KCNU1: variants seen among roughly 807,000 people sequenced by gnomAD.
The protein encoded by KCNU1 is potassium channel subfamily U member 1.
Under a neutral mutation model 126.8 loss-of-function variants are expected in KCNU1, and 93 were observed. That is an observed-to-expected ratio of 0.73 (90% CI 0.62 to 0.87). KCNU1 has a LOEUF of 0.87. Ranked by LOEUF, KCNU1 falls within the 40% of genes least tolerant of loss-of-function variation. The pLI, the probability that KCNU1 is intolerant of heterozygous loss-of-function variation, is 0.00. For synonymous variants in KCNU1, 523 were observed against 494.2 expected (o/e 1.06, Z -0.77); for missense variants, 1,330 against 1,367.1 (o/e 0.97, Z 0.43).
At chr8:36,826,296 GCCTC>G (rs1370729344) in intron 10 of KCNU1, among the ~76,000 whole-genome samples, 21 of 151,836 alleles carry the variant, frequency 1.4e-4, no homozygotes, top group Admixed American at 1.4e-3. Flanking sequence ...TGCAACCTCT[GCCTC>G]CCGGGTTCAA....
In KCNU1 at chr8:36,795,007, T is replaced by C. The variant is rs1307316817; in HGVS notation, c.315+7582T>C. 2.6e-5 allele frequency among the ~76,000 whole-genome samples: 4 copies of C among 152,080 alleles called. No homozygotes were observed. The South Asian group carries it at 6.2e-4, about 24-fold the overall frequency. ...CCAAGCTGAAGAAAGAGAAGCCTAGTTGGGCTCTAAATTTCTTGGGAGGAA... is the reference window on the plus strand; with the variant it reads ...CCAAGCTGAAGAAAGAGAAGCCTAGCTGGGCTCTAAATTTCTTGGGAGGAA... On this transcript the variant is annotated intron_variant, in intron 2 of 26. Coordinates refer to ENST00000399881, the MANE Select transcript of KCNU1 (RefSeq NM_001031836.3).
At chr8:36,860,008 C>A (rs1805671400) in intron 18 of KCNU1, among the ~76,000 whole-genome samples, 1 of 151,918 alleles carries the variant, frequency 6.6e-6, no homozygotes, top group South Asian at 2.1e-4. Flanking sequence ...TTTTTTTGAT[C>A]AATGAAATAC....
Position 36,840,547 on chromosome 8 carries a change from G to A in KCNU1, c.1603G>A (p.Ala535Thr), listed in dbSNP as rs778142154. 6.2e-7 allele frequency: 1 copy of A among 1,610,654 alleles called. No individual in the cohort carries two copies. ...GACCCAACGTCTCTCTGATGACTTT[G>A]CTGGAATGAGCTTTCCTGAAGTTGC... ...ILTQRLSDDF[A>T]GMSFPEVARL... Residue 535 changes from alanine to threonine, a missense_variant, in exon 15 of 27, where the codon GCT becomes ACT. By Grantham distance (58) the Ala-to-Thr change is moderately conservative. This residue lies in a region of KCNU1 where 1,054 missense variants were observed against 1,053.9 expected (regional missense o/e 1.00). Coordinates refer to ENST00000399881, the MANE Select transcript of KCNU1 (RefSeq NM_001031836.3).
At chr8:36,888,262 C>A (rs1195047313) in intron 19 of KCNU1, among the ~76,000 whole-genome samples, 1 of 152,026 alleles carries the variant, frequency 6.6e-6, no homozygotes, top group Non-Finnish European at 1.5e-5. Flanking sequence ...AGGTAGAAAT[C>A]CTAAGAAATA....
chr8:36,847,846 C>CAT (rs1452535354), intron 18 of KCNU1, among the ~76,000 whole-genome samples: 1 of 152,180 alleles, frequency 6.6e-6, no homozygotes, highest in Non-Finnish European at 1.5e-5. Flanking sequence ...ATTGCTGGAT[C>CAT]ATATGGTAGA....
At chr8:36,930,881 A>C in intron 24 of KCNU1, 70 bp from the exon 25 acceptor site, 3 of 1,099,318 alleles carry the variant, frequency 2.7e-6, no homozygotes, top group Non-Finnish European at 2.6e-6. Context: ...TAAATCTCCA[A>C]GCCTTTACCC....
At chr8:36,854,113 C>T (rs1023997432) in intron 18 of KCNU1, among the ~76,000 whole-genome samples, 5 of 152,134 alleles carry the variant, frequency 3.3e-5, no homozygotes, top group South Asian at 2.1e-4. Context: ...CCTTTCTACA[C>T]GATGAGTCAC....
chr8:36,823,545 T>C, intron 10 of KCNU1, among the ~76,000 whole-genome samples: 1 of 152,124 alleles, frequency 6.6e-6, no homozygotes. Flanking sequence ...CAAGTAAAAG[T>C]GTATAAGGAT....
intron 19 of KCNU1, among the ~76,000 whole-genome samples, chr8:36,891,732 A>C (rs1806970308): frequency 6.6e-6 from 1 of 152,144 alleles, no homozygotes; most frequent in Admixed American, 6.6e-5. Context: ...TGTTGGATAT[A>C]GAATTCTTAA....
At chr8:36,857,599 T>TTTTGTTTTTTGTTTGTTTGTTG (rs1805571875) in intron 18 of KCNU1, among the ~76,000 whole-genome samples, 2 of 149,884 alleles carry the variant, frequency 1.3e-5, no homozygotes, top group African/African-American at 4.9e-5. Flanking sequence ...CTTTGTTTTG[T>TTTTGTTTTTTGTTTGTTTGTTG]TTTGTTTTTT....
intron 20 of KCNU1, among the ~76,000 whole-genome samples, chr8:36,908,122 C>T (rs1477601516): frequency 1.3e-5 from 2 of 152,080 alleles, no homozygotes; most frequent in Non-Finnish European, 2.9e-5. Context: ...TGTTACATCC[C>T]AGTGCTGTTA....
chr8:36,821,151 A>C (rs1168554753), intron 10 of KCNU1, among the ~76,000 whole-genome samples: 2 of 152,206 alleles, frequency 1.3e-5, no homozygotes, highest in African/African-American at 4.8e-5. Flanking sequence ...AAAGCTACTG[A>C]AGTATAAACA....
chr8:36,867,345 G>A (rs937197544), intron 19 of KCNU1, among the ~76,000 whole-genome samples: 1 of 152,090 alleles, frequency 6.6e-6, no homozygotes, highest in East Asian at 1.9e-4. Flanking sequence ...GGGGAATGTG[G>A]CATTTTCCAT....
chr8:36,836,935 A>C lies in KCNU1; in HGVS notation c.1508A>C (p.Gln503Pro), dbSNP rs1358725286. Residue 503 changes from glutamine to proline, a missense_variant, in exon 14 of 27, where the codon CAA (glutamine) becomes CCA (proline). Physicochemically the swap from Gln to Pro is moderately conservative, Grantham distance 76. Transcript: ENST00000399881. Reference sequence around the variant, plus strand: ...TTCCTAACATCTCTATTTGTGGAGCAAAACAAAAAGGTAACCTTGTAAATT... The same window carrying C: ...TTCCTAACATCTCTATTTGTGGAGCCAAACAAAAAGGTAACCTTGTAAATT... ...CTFLTSLFVE[Q>P]NKKVMPKQTW... is the part of the protein sequence containing the mutation. 1 of 1,613,628 alleles carries C rather than the reference A, an allele frequency of 6.2e-7. No homozygotes were observed. The highest frequency in any genetic ancestry group is 8.5e-7 in the Non-Finnish European group (1 of 1,179,704).
intron 26 of KCNU1, among the ~76,000 whole-genome samples, chr8:36,934,684 G>C (rs888198689): frequency 3.9e-5 from 6 of 152,152 alleles, no homozygotes; most frequent in African/African-American, 1.4e-4. Flanking sequence ...GTTATTCAGT[G>C]AAGGAAATTC....
intron 9 of KCNU1, among the ~76,000 whole-genome samples, chr8:36,816,404 C>T (rs1803913578): frequency 6.6e-6 from 1 of 152,066 alleles, no homozygotes; most frequent in African/African-American, 2.4e-5. Flanking sequence ...AACTTAATCC[C>T]TGTCTGCTGT....
rs1014571554 is a variant in KCNU1 at position 36,912,227 on chromosome 8, C to T, written c.2521+1108C>T. On this transcript the variant is annotated intron_variant, in intron 22 of 26. Coordinates refer to ENST00000399881, the MANE Select transcript of KCNU1 (RefSeq NM_001031836.3). ...GATAATGGCTGTCGATAACAATGTT[C>T]GTGATTGAAACTGGGAAACCAAAAA... Among the ~76,000 whole-genome samples the T allele has an allele frequency of 2.0e-4, 30 of 152,206 alleles. 1 individual carries two copies. The highest frequency in any genetic ancestry group is 5.8e-4 in the African/African-American group (24 of 41,534).
At position 36,805,122 on chromosome 8, in the gene KCNU1, C is replaced by A. The variant is rs1803449486; in HGVS notation, c.378-73C>A. 6 of 1,016,770 alleles carry A rather than the reference C, an allele frequency of 5.9e-6. No individual in the cohort carries two copies. In the South Asian group the frequency reaches 8.8e-5, roughly 15 times the overall value. The allele number at this position is 1,016,770 out of a possible 1,614,324, so 63.0% of individuals were successfully genotyped here. A position where few individuals can be genotyped will look rare whatever the true frequency, so the allele number is the denominator to read the frequency against. On this transcript the variant is annotated intron_variant, in intron 3 of 26. Transcript: ENST00000399881. ...TAAAGAAAAATTTTCCTATTCTTTC[C>A]CTTTAGTTGGTCTTATATAGACACC...
intron 4 of KCNU1, among the ~76,000 whole-genome samples, chr8:36,805,528 C>T (rs1047057221): frequency 2.6e-5 from 4 of 152,164 alleles, no homozygotes; most frequent in Non-Finnish European, 5.9e-5. Context: ...ATGCCATCAT[C>T]GTGTTCCCAT....
Sources: gnomAD v4.1 joint callset for allele counts (sites outside exome capture counted in the v4.1 genomes callset) on GRCh38, gnomAD v4.1.1 for gene constraint, gnomAD v4.1.1 regional missense constraint, MANE v1.5 for transcripts, NCBI Gene and HGNC (gene_info 2026-07-23, HGNC 2026-07-21) for gene names.